The following SASH1 variants were observed in gnomAD, a reference collection of about 807,000 sequenced individuals.
SASH1 encodes the protein SAM and SH3 domain containing 1, also known as SAM and SH3 domain-containing protein 1.
A neutral mutation model predicts 125.2 loss-of-function variants in SASH1; 44 were observed. The ratio of observed to expected loss-of-function variants is 0.35; its 90% CI spans 0.28 to 0.45. SASH1 has a LOEUF of 0.45. Ranked by LOEUF, SASH1 falls within the 20% of genes least tolerant of loss-of-function variation. The probability of loss-of-function intolerance (pLI) is 1.00; values close to 1 mark genes in which losing one functional copy is unlikely to be tolerated. For missense variants in SASH1, 1,426 were observed against 1,614.5 expected (o/e 0.88, Z 2.00); for synonymous variants, 639 against 649.1 (o/e 0.98, Z 0.24).
At chr6:148,249,331 T>TGC in the SASH1 span, among the ~76,000 whole-genome samples, 1 of 1,836 alleles carries the variant, frequency 5.4e-4, no homozygotes, top group African/African-American at 3.4e-3. Flanking sequence ...TGCACGTGTG[T>TGC]GTGTGTGTGT....
intron 8 of SASH1, among the ~76,000 whole-genome samples, chr6:148,499,952 A>G (rs1779494363): frequency 6.6e-6 from 1 of 152,102 alleles, no homozygotes; most frequent in African/African-American, 2.4e-5. Context: ...ATTTAATTGA[A>G]TTCACGTTCT....
At chr6:148,405,709 C>T (rs12202962) in intron 2 of SASH1, among the ~76,000 whole-genome samples, 23,267 of 152,072 alleles carry the variant, frequency 0.15, 1,971 homozygotes, top group South Asian at 0.28. Context: ...AGGCTGAGGC[C>T]GTATGCACTC....
chr6:148,233,760 A>AAAAAAAAAAAAAAAAAAAAAAAAAAG, the SASH1 span, among the ~76,000 whole-genome samples: 1 of 139,236 alleles, frequency 7.2e-6, no homozygotes, highest in Non-Finnish European at 1.6e-5. Context: ...AAAAAAAAAA[A>AAAAAAAAAAAAAAAAAAAAAAAAAAG]AAATTAGCTG....
intron 1 of SASH1, among the ~76,000 whole-genome samples, chr6:148,326,343 T>TATGC (rs1554235317): frequency 2.8e-4 from 25 of 88,544 alleles, no homozygotes; most frequent in Admixed American, 5.6e-4. Flanking sequence ...TATATATATA[T>TATGC]ATATATATAT....
At chr6:148,302,311 CAAAAAAAAAAAAAAAAAAA>C (rs1174644909) in intron 1 of SASH1, among the ~76,000 whole-genome samples, 1 of 44,872 alleles carries the variant, frequency 2.2e-5, no homozygotes, top group African/African-American at 8.7e-5. Flanking sequence ...GACTCCGTCT[CAAAAAAAAAAAAAAAAAAA>C]AAAAAAAAAA....
intron 1 of SASH1, among the ~76,000 whole-genome samples, chr6:148,322,865 A>ACCTT (rs1554234510): frequency 0.092 from 13,142 of 142,884 alleles, 1,444 homozygotes; most frequent in Admixed American, 0.11. Flanking sequence ...CATCCAAATC[A>ACCTT]TCTTTCTTTC....
chr6:148,473,550 G>A (rs938710837), intron 6 of SASH1, among the ~76,000 whole-genome samples: 8 of 152,170 alleles, frequency 5.3e-5, no homozygotes, highest in South Asian at 2.1e-4. Context: ...CACTGTGCCC[G>A]GTGCACTTAG....
intron 8 of SASH1, among the ~76,000 whole-genome samples, chr6:148,494,055 G>A (rs910101110): frequency 2.0e-5 from 3 of 151,996 alleles, no homozygotes; most frequent in Non-Finnish European, 2.9e-5. Context: ...CTGTTTTACC[G>A]GGTTTTCTAG....
intron 4 of SASH1, among the ~76,000 whole-genome samples, chr6:148,457,437 G>T (rs1777412152): frequency 6.6e-6 from 1 of 152,148 alleles, no homozygotes; most frequent in Admixed American, 6.5e-5. Context: ...ACATTGGTTT[G>T]GGTGTCGGAA....
intron 17 of SASH1, among the ~76,000 whole-genome samples, chr6:148,540,931 G>A (rs1392726597): frequency 6.6e-6 from 1 of 152,210 alleles, no homozygotes; most frequent in African/African-American, 2.4e-5. Context: ...CGGCTGCATG[G>A]CCTGAATGTC....
At chr6:148,278,552 T>C (rs1052694665) in intron 1 of SASH1, 1 of 152,114 alleles carries the variant, frequency 6.6e-6, no homozygotes, top group African/African-American at 2.4e-5. Context: ...ATTTAAATCT[T>C]GAATAAAAGG....
At chr6:148,402,604 C>T (rs1023544575) in intron 2 of SASH1, among the ~76,000 whole-genome samples, 3 of 144,136 alleles carry the variant, frequency 2.1e-5, no homozygotes, top group Non-Finnish European at 3.0e-5. Flanking sequence ...CCACTGCGAC[C>T]GGCCAAAAAT....
the SASH1 span, among the ~76,000 whole-genome samples, chr6:148,266,009 G>A: frequency 6.7e-5 from 10 of 149,620 alleles, no homozygotes; most frequent in Middle Eastern, 3.4e-3. Context: ...CTTTGCTCTC[G>A]TTGCCCAGGC....
At chr6:148,377,157 G>A (rs181533899) in intron 1 of SASH1, among the ~76,000 whole-genome samples, 3,478 of 126,394 alleles carry the variant, frequency 0.028, 163 homozygotes, top group East Asian at 0.18. Context: ...GCGACAGAGC[G>A]AGACTCCGTC....
intron 8 of SASH1, among the ~76,000 whole-genome samples, chr6:148,494,248 T>C (rs1006691650): frequency 2.6e-4 from 39 of 152,308 alleles, no homozygotes; most frequent in African/African-American, 8.7e-4. Flanking sequence ...ATATATAATG[T>C]ATGAAGAAAA....
At chr6:148,291,102 C>T (rs1419949951) in intron 1 of SASH1, among the ~76,000 whole-genome samples, 5 of 151,732 alleles carry the variant, frequency 3.3e-5, no homozygotes, top group East Asian at 3.9e-4. Flanking sequence ...CCTGCTCAAG[C>T]GATCCTCCTG....
chr6:148,423,985 G>T (rs1435432343), intron 2 of SASH1, among the ~76,000 whole-genome samples: 1 of 151,004 alleles, frequency 6.6e-6, no homozygotes, highest in African/African-American at 2.4e-5. Context: ...ATAGTAGTCG[G>T]TCAGAGGTCT....
the SASH1 span, among the ~76,000 whole-genome samples, chr6:148,238,069 C>T: frequency 6.6e-6 from 1 of 152,132 alleles, no homozygotes; most frequent in East Asian, 1.9e-4. Context: ...CCCCATATGA[C>T]CTTACGGCTT....
In SASH1 at chr6:148,533,023, G is replaced by A. The variant is rs1440754882; in HGVS notation, c.1734+57G>A. 30 of 1,578,920 alleles carry A rather than the reference G, an allele frequency of 1.9e-5. No homozygotes were observed. The highest frequency in any genetic ancestry group is 3.4e-5 in the South Asian group (3 of 89,530). On this transcript the variant is annotated intron_variant, in intron 14 of 19. Transcript: ENST00000367467. The surrounding 1 kb of genome is among the most constrained non-coding windows in gnomAD (Gnocchi z 6.2). ...CTGGGCTCTTCCATTTCTCTAGGAG[G>A]CTTTCTTTCCTCCTCACTGTTGAAT...
Sources: allele counts gnomAD v4.1 joint callset (sites outside exome capture counted in the v4.1 genomes callset), GRCh38; gene constraint gnomAD v4.1.1; non-coding constraint Gnocchi (gnomAD v3.1); transcripts MANE v1.5; gene names NCBI Gene and HGNC (gene_info 2026-07-23, HGNC 2026-07-21).